KCNJ15: variants seen among roughly 807,000 people sequenced by gnomAD.
KCNJ15 encodes potassium inwardly rectifying channel subfamily J member 15, also known as ATP-sensitive inward rectifier potassium channel 15.
Under a neutral mutation model 23.0 loss-of-function variants are expected in KCNJ15, and 14 were observed. That is an observed-to-expected ratio of 0.61 (90% CI 0.40 to 0.95). The LOEUF (loss-of-function observed/expected upper bound fraction) is 0.95. Among genes scored for constraint, KCNJ15 ranks in the 40% least tolerant of loss-of-function variants. KCNJ15 has a pLI of 0.00. For missense variants in KCNJ15, 388 were observed against 461.8 expected, an observed-to-expected ratio of 0.84 and a Z score of 1.46; for synonymous variants, 185 against 183.2, an observed-to-expected ratio of 1.01 and a Z score of -0.08.
Position 38,235,175 on chromosome 21 carries a change from G to A in KCNJ15, c.-398-21871G>A, listed in dbSNP as rs186988080. Among the ~76,000 whole-genome samples the A allele has an allele frequency of 2.0e-3, 308 of 152,088 alleles. 3 individuals are homozygous for A. The highest frequency in any genetic ancestry group is 0.017 in the Middle Eastern group (5 of 294). ...TTGAAGGTTCTTTCTTGAAGCAGAC[G>A]TTTCTTTCCATTTCTTTTTTTGTCA... On this transcript the variant is annotated intron_variant, in intron 1 of 4. Transcript: ENST00000547341.
intron 2 of KCNJ15, among the ~76,000 whole-genome samples, chr21:38,297,587 C>A (rs1985291460): frequency 6.6e-6 from 1 of 152,234 alleles, no homozygotes; most frequent in Non-Finnish European, 1.5e-5. Context: ...TTTGGGCATG[C>A]CAGAATGGCG....
At chr21:38,247,033 A>G (rs1414652649) in intron 1 of KCNJ15, among the ~76,000 whole-genome samples, 2 of 145,148 alleles carry the variant, frequency 1.4e-5, no homozygotes, top group East Asian at 2.1e-4. Context: ...TGGATGCATA[A>G]GTGGATGGAT....
chr21:38,303,188 G>T lies in KCNJ15; in HGVS notation c.*2799G>T, dbSNP rs1303055198. On this transcript the variant is annotated 3_prime_UTR_variant, in exon 3 of 3. Transcript: ENST00000398938. ...ATTACTTTGTACGTAATACTTTCAT[G>T]TTACTATGCTAACAAAGGATTTAGG... The T allele has an allele frequency of 1.3e-5, 2 of 151,578 alleles. No homozygotes were observed. The highest frequency in any genetic ancestry group is 1.3e-4 in the Admixed American group (2 of 15,208). The allele number at this position is 151,578 out of a possible 1,614,324, so 9.4% of individuals were successfully genotyped here. A position where few individuals can be genotyped will look rare whatever the true frequency, so the allele number is the denominator to read the frequency against.
At chr21:38,263,612 C>A (rs761670497) in intron 1 of KCNJ15, among the ~76,000 whole-genome samples, 1 of 152,166 alleles carries the variant, frequency 6.6e-6, no homozygotes, top group African/African-American at 2.4e-5. Context: ...AACTATGATT[C>A]CCTCCTCTGA....
At chr21:38,250,036 T>A (rs2123577505) in intron 1 of KCNJ15, among the ~76,000 whole-genome samples, 1 of 152,310 alleles carries the variant, frequency 6.6e-6, no homozygotes, top group Middle Eastern at 3.4e-3. Flanking sequence ...CAGTGTGAAG[T>A]CCCTTAGATT....
chr21:38,247,236 G>A (rs1979467637), intron 1 of KCNJ15, among the ~76,000 whole-genome samples: 1 of 151,312 alleles, frequency 6.6e-6, no homozygotes, highest in South Asian at 2.1e-4. Context: ...ATGGATTGAT[G>A]GATGGATGGA....
At chr21:38,239,693 C>T (rs947626396) in intron 1 of KCNJ15, among the ~76,000 whole-genome samples, 2 of 152,204 alleles carry the variant, frequency 1.3e-5, no homozygotes, top group Non-Finnish European at 2.9e-5. Context: ...GTCTGCCAAC[C>T]TTATCTTAAA....
chr21:38,284,930 T>C (rs761483844), intron 1 of KCNJ15, among the ~76,000 whole-genome samples: 1 of 152,238 alleles, frequency 6.6e-6, no homozygotes, highest in Non-Finnish European at 1.5e-5. Context: ...CATCTAATGA[T>C]GTATTTAATG....
At chr21:38,238,352 A>G in intron 1 of KCNJ15, 2 of 718,206 alleles carry the variant, frequency 2.8e-6, no homozygotes, top group Admixed American at 1.8e-5. Context: ...AAAGGCAGCC[A>G]GTGGGACAGG....
intron 1 of KCNJ15, among the ~76,000 whole-genome samples, chr21:38,231,335 TA>T (rs1448285655): frequency 6.6e-6 from 1 of 151,972 alleles, no homozygotes; most frequent in East Asian, 1.9e-4. Context: ...TTCTAATTAT[TA>T]ATAGTAGATT....
At chr21:38,235,356 C>A (rs913376643) in intron 1 of KCNJ15, among the ~76,000 whole-genome samples, 10 of 151,982 alleles carry the variant, frequency 6.6e-5, no homozygotes, top group Non-Finnish European at 1.5e-4. Context: ...GAGTTTCAGA[C>A]CAGCCTGGCC....
chr21:38,256,447 T>C (rs761630174), upstream of KCNJ15, among the ~76,000 whole-genome samples: 116 of 149,224 alleles, frequency 7.8e-4, no homozygotes, highest in Non-Finnish European at 1.0e-3. Flanking sequence ...GCTAAAAACA[T>C]GAGTTTTCCT....
intron 2 of KCNJ15, among the ~76,000 whole-genome samples, chr21:38,298,643 T>C (rs892326499): frequency 5.7e-4 from 87 of 152,304 alleles, no homozygotes; most frequent in African/African-American, 2.0e-3. Flanking sequence ...AAATAGGTTT[T>C]AAAAAATGCA....
At chr21:38,248,504 A>G (rs1038835680) in intron 1 of KCNJ15, among the ~76,000 whole-genome samples, 1 of 152,272 alleles carries the variant, frequency 6.6e-6, no homozygotes, top group South Asian at 2.1e-4. Context: ...GAACTAGAAT[A>G]AGACTCAGAA....
chr21:38,247,538 AT>A, intron 1 of KCNJ15, among the ~76,000 whole-genome samples: 1 of 133,846 alleles, frequency 7.5e-6, no homozygotes, highest in Non-Finnish European at 1.5e-5. Context: ...GGATGGATGG[AT>A]GGATGGATGG....
chr21:38,252,387 C>G (rs1226190250), upstream of KCNJ15, among the ~76,000 whole-genome samples: 1 of 152,120 alleles, frequency 6.6e-6, no homozygotes, highest in Non-Finnish European at 1.5e-5. Context: ...TAACACTTAT[C>G]ACACAATATC....
intron 1 of KCNJ15, among the ~76,000 whole-genome samples, chr21:38,248,167 G>T (rs1979581937): frequency 6.6e-6 from 1 of 152,224 alleles, no homozygotes; most frequent in Non-Finnish European, 1.5e-5. Context: ...TCTGGTACTT[G>T]ATTCAGTGTC....
intron 2 of KCNJ15, among the ~76,000 whole-genome samples, chr21:38,298,635 A>G (rs1003496100): frequency 1.3e-5 from 2 of 152,224 alleles, no homozygotes; most frequent in Non-Finnish European, 2.9e-5. Flanking sequence ...CATGCAAAAA[A>G]TAGGTTTTAA....
chr21:38,280,518 A>G (rs1023879117), intron 1 of KCNJ15, among the ~76,000 whole-genome samples: 3 of 152,124 alleles, frequency 2.0e-5, no homozygotes, highest in African/African-American at 7.2e-5. Context: ...TATTAGTGAG[A>G]ATATAAGCGA....
Sources: gnomAD v4.1 joint callset for allele counts (sites outside exome capture counted in the v4.1 genomes callset) on GRCh38, gnomAD v4.1.1 for gene constraint, MANE v1.5 for transcripts, NCBI Gene and HGNC (gene_info 2026-07-23, HGNC 2026-07-21) for gene names.